Variants in RALB observed in about 807,000 individuals in gnomAD.
RALB encodes the protein RAS like proto-oncogene B, also known as ras-related protein Ral-B.
In RALB, 16 loss-of-function variants were observed where a neutral mutation model predicts 21.3. The ratio of observed to expected loss-of-function variants is 0.75; its 90% CI spans 0.51 to 1.14. RALB has a LOEUF of 1.14. Ranked by LOEUF, RALB falls within the 50% of genes most tolerant of loss-of-function variation. The probability of loss-of-function intolerance (pLI) is 0.00; values close to 1 mark genes in which losing one functional copy is unlikely to be tolerated. For missense variants in RALB, 161 were observed against 256.2 expected, an observed-to-expected ratio of 0.63 and a Z score of 2.54; for synonymous variants, 93 against 96.1, an observed-to-expected ratio of 0.97 and a Z score of 0.19.
chr2:120,253,319 CT>C (rs1689108702), intron 1 of RALB: 1 of 897,838 alleles, frequency 1.1e-6, no homozygotes, highest in African/African-American at 1.8e-5. Flanking sequence ...GGACCGTCCA[CT>C]TCCTCAGTCC....
chr2:120,270,616 G>A (rs576379111), intron 1 of RALB, among the ~76,000 whole-genome samples: 1 of 15,470 alleles, frequency 6.5e-5, no homozygotes, highest in African/African-American at 5.0e-4. Context: ...GGTTAAAATC[G>A]GTTAGTTTTT....
chr2:120,245,619 C>T (rs182660615), intron 1 of RALB, among the ~76,000 whole-genome samples: 180 of 152,266 alleles, frequency 1.2e-3, no homozygotes, highest in African/African-American at 3.9e-3. Flanking sequence ...GGCCTTGCTC[C>T]GGGGTGTGTA....
rs1317472279 is a variant in RALB, at chr2:120,293,214, G to A, written c.575G>A (p.Ser192Asn). 2 of 1,613,552 alleles carry A rather than the reference G, an allele frequency of 1.2e-6. No homozygotes were observed. The highest frequency in any genetic ancestry group is 1.7e-6 in the Non-Finnish European group (2 of 1,179,816). Residue 192 changes from serine (S) to asparagine (N), a missense_variant, in exon 5 of 5, where the codon AGC becomes AAC. Physicochemically the swap from Ser to Asn is conservative, Grantham distance 46. Coordinates refer to ENST00000272519, the MANE Select transcript of RALB (RefSeq NM_002881.3). ...SENKDKNGKK[S>N]SKNKKSFKER... ...AACAAAGACAAGAATGGCAAGAAAA[G>A]CAGCAAGAACAAGAAAAGTTTTAAA...
intron 1 of RALB, among the ~76,000 whole-genome samples, chr2:120,273,603 G>A (rs1050875321): frequency 6.6e-6 from 1 of 152,232 alleles, no homozygotes; most frequent in Non-Finnish European, 1.5e-5. Flanking sequence ...ATCAATTTTA[G>A]GGAGGGACTA....
chr2:120,286,994 A>G (rs1183032691), intron 3 of RALB, among the ~76,000 whole-genome samples: 1 of 152,204 alleles, frequency 6.6e-6, no homozygotes, highest in Non-Finnish European at 1.5e-5. Context: ...CTCCTACATA[A>G]TTGAGTTTTA....
At chr2:120,275,589 G>T (rs1689772934) in intron 1 of RALB, among the ~76,000 whole-genome samples, 1 of 152,102 alleles carries the variant, frequency 6.6e-6, no homozygotes, top group Non-Finnish European at 1.5e-5. Flanking sequence ...AGCTAAGAAT[G>T]GGAACCACTG....
In RALB at chr2:120,289,590, C is replaced by T; in HGVS notation, c.334C>T (p.Leu112Phe). 6.2e-7 allele frequency: 1 copy of T among 1,613,780 alleles called. No homozygotes were observed. Among genetic ancestry groups the T allele is most frequent in the Non-Finnish European group, 8.5e-7 (1 of 1,179,840 alleles). Residue 112 changes from leucine (L) to phenylalanine (F), a missense_variant, in exon 4 of 5, where the codon CTC becomes TTC. Leu to Phe is a conservative substitution (Grantham distance 22). Transcript: ENST00000272519. ...TATAEFREQI[L>F]RVKAEEDKIP... Reference sequence around the variant, plus strand: ...GGTGTAACACCTTAGGGAACAGATTCTCCGTGTGAAGGCTGAAGAAGATAA... The same window carrying T: ...GGTGTAACACCTTAGGGAACAGATTTTCCGTGTGAAGGCTGAAGAAGATAA...
At chr2:120,284,339 T>A (rs1378388676) in intron 2 of RALB, among the ~76,000 whole-genome samples, 1 of 152,236 alleles carries the variant, frequency 6.6e-6, no homozygotes, top group South Asian at 2.1e-4. Context: ...GTTAAAAAAA[T>A]TTTAAATCAC....
rs749876117 is a variant in RALB, at chr2:120,278,791, A to C, written c.114+13A>C. ...CATGTATGACGAGGTAAGCCCTGCT[A>C]GGCACAGACCACCTTCCTTTGGCAT... On this transcript the variant is annotated intron_variant, in intron 2 of 4. Coordinates refer to ENST00000272519, the MANE Select transcript of RALB (RefSeq NM_002881.3). The C allele has an allele frequency of 6.6e-7, 1 of 1,514,860 alleles. No individual in the cohort carries two copies. Among genetic ancestry groups the C allele is most frequent in the South Asian group, 1.3e-5 (1 of 76,718 alleles). The allele number at this position is 1,514,860 out of a possible 1,614,324, so 93.8% of individuals were successfully genotyped here. A position where few individuals can be genotyped will look rare whatever the true frequency, so the allele number is the denominator to read the frequency against.
At chr2:120,256,931 T>A (rs1025372142) in intron 1 of RALB, among the ~76,000 whole-genome samples, 3 of 152,250 alleles carry the variant, frequency 2.0e-5, no homozygotes, top group African/African-American at 7.2e-5. Flanking sequence ...TGAAGTATAC[T>A]GTAGGAGATG....
chr2:120,254,527 G>A (rs747940652), intron 1 of RALB, among the ~76,000 whole-genome samples: 9 of 152,188 alleles, frequency 5.9e-5, no homozygotes, highest in Non-Finnish European at 1.3e-4. Flanking sequence ...TTGGGACCTA[G>A]ACCATAAGGA....
At chr2:120,269,320 C>T (rs1689593041) in intron 1 of RALB, among the ~76,000 whole-genome samples, 1 of 152,196 alleles carries the variant, frequency 6.6e-6, no homozygotes, top group Non-Finnish European at 1.5e-5. Context: ...TGTTATAGCT[C>T]TCAAAGGTGG....
chr2:120,285,679 T>C (rs960136346), intron 2 of RALB, among the ~76,000 whole-genome samples, 195 bp from the exon 3 acceptor site: 8 of 152,208 alleles, frequency 5.3e-5, no homozygotes, highest in African/African-American at 4.8e-5. Flanking sequence ...CATCTGTAAA[T>C]TGGGATATCT....
At chr2:120,249,233 C>T (rs1338803877), upstream of RALB, among the ~76,000 whole-genome samples, 2 of 152,106 alleles carry the variant, frequency 1.3e-5, no homozygotes, top group Non-Finnish European at 2.9e-5. Context: ...TGGGGTTTCA[C>T]CATGTTGGCC....
At chr2:120,280,897 G>T in intron 2 of RALB, 1 of 437,850 alleles carries the variant, frequency 2.3e-6, no homozygotes, top group South Asian at 1.7e-5. Flanking sequence ...AAAGTAGAAG[G>T]TATTCTAGAG....
chr2:120,254,832 T>C (rs1268190655), intron 1 of RALB, among the ~76,000 whole-genome samples: 1 of 152,102 alleles, frequency 6.6e-6, no homozygotes, highest in African/African-American at 2.4e-5. Flanking sequence ...TGCACCACCA[T>C]GCCAAGCTAA....
At chr2:120,258,095 A>G (rs1689241314) in intron 1 of RALB, among the ~76,000 whole-genome samples, 2 of 152,138 alleles carry the variant, frequency 1.3e-5, no homozygotes, top group African/African-American at 4.8e-5. Context: ...TCTACTCTGT[A>G]GCCAGAATTA....
At chr2:120,253,120 C>A in intron 1 of RALB, 140 bp downstream of exon 1, 1 of 561,748 alleles carries the variant, frequency 1.8e-6, no homozygotes, top group Non-Finnish European at 2.3e-6. Flanking sequence ...GCCCCGAGGC[C>A]GGCGGAGGGC....
intron 1 of RALB, among the ~76,000 whole-genome samples, chr2:120,274,081 C>CT (rs1412275125): frequency 1.3e-5 from 2 of 152,142 alleles, no homozygotes; most frequent in African/African-American, 4.8e-5. Context: ...GAAAAATATC[C>CT]TTTTCAGACA....
Sources: allele counts gnomAD v4.1 joint callset (sites outside exome capture counted in the v4.1 genomes callset), GRCh38; gene constraint gnomAD v4.1.1; transcripts MANE v1.5; gene names NCBI Gene and HGNC (gene_info 2026-07-23, HGNC 2026-07-21).